The following MAGI1 variants were observed in gnomAD, a reference collection of about 807,000 sequenced individuals.
MAGI1 encodes membrane-associated guanylate kinase, WW and PDZ domain-containing protein 1.
Under a neutral mutation model 139.9 loss-of-function variants are expected in MAGI1, and 58 were observed. That is an observed-to-expected ratio of 0.41 (90% CI 0.34 to 0.52). The LOEUF (loss-of-function observed/expected upper bound fraction) is 0.52, where lower values mean the gene tolerates loss of function less well. MAGI1 is among the 20% of genes least tolerant of loss of function. The pLI is 0.12. For missense variants in MAGI1, 1,874 were observed against 1,901.6 expected (o/e 0.99, Z 0.27); for synonymous variants, 812 against 737.9 (o/e 1.10, Z -1.63).
chr3:65,467,291 C>A (rs1393791260), intron 5 of MAGI1, among the ~76,000 whole-genome samples: 2 of 152,180 alleles, frequency 1.3e-5, no homozygotes, highest in African/African-American at 4.8e-5. Context: ...TATATATTTG[C>A]ATGTGAGTGT....
chr3:65,372,151 C>T (rs949786676), intron 18 of MAGI1, among the ~76,000 whole-genome samples: 1 of 152,144 alleles, frequency 6.6e-6, no homozygotes, highest in Admixed American at 6.5e-5. Context: ...CAGGTATAGC[C>T]TTACAAAATA....
At chr3:65,635,018 C>T (rs1021380037) in intron 1 of MAGI1, among the ~76,000 whole-genome samples, 2 of 151,980 alleles carry the variant, frequency 1.3e-5, no homozygotes, top group Non-Finnish European at 2.9e-5. Context: ...GATGGGAGTA[C>T]ATGTTTTGTT....
intron 2 of MAGI1, among the ~76,000 whole-genome samples, chr3:65,601,302 T>C (rs1325798589): frequency 6.6e-6 from 1 of 152,130 alleles, no homozygotes; most frequent in Non-Finnish European, 1.5e-5. Context: ...TTGGATAAAA[T>C]ATGAACTCAC....
In MAGI1 at chr3:65,621,981, C is replaced by T; in HGVS notation, c.421G>A (p.Ala141Thr). 6.2e-7 allele frequency: 1 copy of T among 1,610,354 alleles called. No individual in the cohort carries two copies. The highest frequency in any genetic ancestry group is 8.5e-7 in the Non-Finnish European group (1 of 1,177,058). Reference protein sequence around the residue: ...QTIRDNLYRHAVPCTTRSPRE... With the variant: ...QTIRDNLYRHTVPCTTRSPRE... ...AAGTCCAACTACTTACAAGGCACAGCATGGCGGTAAAGGTTATCCCTTATG... is the reference window on the plus strand; with the variant it reads ...AAGTCCAACTACTTACAAGGCACAGTATGGCGGTAAAGGTTATCCCTTATG... Residue 141 changes from alanine to threonine, a missense_variant, in exon 2 of 23, where the codon GCT becomes ACT. Physicochemically the swap from Ala to Thr is moderately conservative, Grantham distance 58. Around this residue, in one of 5 missense-constraint regions of MAGI1, gnomAD observed 648 missense variants for 598.1 expected, o/e 1.08. Transcript: ENST00000402939.
At chr3:65,382,129 T>C in intron 15 of MAGI1, 60 bp from the exon 16 acceptor site, 1 of 1,342,260 alleles carries the variant, frequency 7.5e-7, no homozygotes, top group Non-Finnish European at 1.0e-6. Context: ...GTTACATCAA[T>C]AGCCTTCACA....
At chr3:65,436,188 T>C (rs1308257094) in intron 10 of MAGI1, among the ~76,000 whole-genome samples, 4 of 151,898 alleles carry the variant, frequency 2.6e-5, no homozygotes, top group Non-Finnish European at 5.9e-5. Context: ...ATGAAAATTA[T>C]AATGAATTAA....
intron 22 of MAGI1, chr3:65,359,485 A>G: frequency 2.8e-6 from 3 of 1,063,062 alleles, no homozygotes; most frequent in Non-Finnish European, 3.4e-6. Context: ...GAGAGCATTA[A>G]CAATAAACAA....
chr3:66,031,799 C>T (rs1458944436), intron 1 of MAGI1, among the ~76,000 whole-genome samples: 8 of 149,820 alleles, frequency 5.3e-5, no homozygotes, highest in Non-Finnish European at 8.9e-5. Flanking sequence ...AAAAAGTACA[C>T]AGGGACAATG....
At chr3:65,769,455 C>T (rs1304887434) in intron 1 of MAGI1, among the ~76,000 whole-genome samples, 2 of 151,986 alleles carry the variant, frequency 1.3e-5, no homozygotes. Context: ...CACCACTGCA[C>T]TCCAGTCTGG....
At chr3:65,842,133 A>G (rs1178362595) in intron 1 of MAGI1, among the ~76,000 whole-genome samples, 1 of 152,156 alleles carries the variant, frequency 6.6e-6, no homozygotes, top group Non-Finnish European at 1.5e-5. Flanking sequence ...GTCAAAACAG[A>G]TGTCAATGCT....
chr3:65,662,545 A>T (rs1034774568), intron 1 of MAGI1, among the ~76,000 whole-genome samples: 3 of 152,240 alleles, frequency 2.0e-5, no homozygotes, highest in Non-Finnish European at 4.4e-5. Context: ...AGAGGTCAGT[A>T]TGACAGATAT....
At chr3:65,444,307 A>G (rs1449195956) in intron 7 of MAGI1, among the ~76,000 whole-genome samples, 10 of 152,110 alleles carry the variant, frequency 6.6e-5, no homozygotes, top group Non-Finnish European at 1.5e-4. Context: ...CTTTCCCCTT[A>G]CAAAGCTGGA....
At chr3:65,896,909 T>C (rs1469915301) in intron 1 of MAGI1, among the ~76,000 whole-genome samples, 1 of 152,148 alleles carries the variant, frequency 6.6e-6, no homozygotes, top group Non-Finnish European at 1.5e-5. Context: ...ATAATACAAC[T>C]AGAATAATAC....
At chr3:65,799,091 G>A (rs1481080338) in intron 1 of MAGI1, among the ~76,000 whole-genome samples, 1 of 152,148 alleles carries the variant, frequency 6.6e-6, no homozygotes, top group Non-Finnish European at 1.5e-5. Context: ...AGTGAAAAAG[G>A]TGAAAATTCT....
intron 12 of MAGI1, among the ~76,000 whole-genome samples, chr3:65,413,266 C>A (rs1426518909): frequency 2.0e-5 from 3 of 152,204 alleles, no homozygotes; most frequent in Non-Finnish European, 2.9e-5. Flanking sequence ...TATTCCCAAA[C>A]TGCTTAATTG....
At chr3:65,418,513 A>T (rs1430318778) in intron 12 of MAGI1, among the ~76,000 whole-genome samples, 1 of 152,178 alleles carries the variant, frequency 6.6e-6, no homozygotes, top group Admixed American at 6.5e-5. Context: ...TACACAGACT[A>T]ACCCCAAGGC....
At chr3:65,918,087 C>T (rs1274786293) in intron 1 of MAGI1, among the ~76,000 whole-genome samples, 3 of 152,026 alleles carry the variant, frequency 2.0e-5, no homozygotes, top group Admixed American at 6.5e-5. Flanking sequence ...TCTAAAAATG[C>T]TCTAACGAAG....
intron 4 of MAGI1, among the ~76,000 whole-genome samples, chr3:65,476,275 C>A (rs979629805): frequency 6.6e-6 from 1 of 152,180 alleles, no homozygotes; most frequent in South Asian, 2.1e-4. Context: ...GGTCCCATCA[C>A]GTGCATATCT....
chr3:65,822,786 A>C (rs143005608), intron 1 of MAGI1, among the ~76,000 whole-genome samples: 396 of 152,286 alleles, frequency 2.6e-3, no homozygotes, highest in African/African-American at 8.9e-3. Context: ...ACTTTTAAAC[A>C]ATCAGAGCTT....
Sources: gnomAD v4.1 joint callset for allele counts (sites outside exome capture counted in the v4.1 genomes callset) on GRCh38, gnomAD v4.1.1 for gene constraint, gnomAD v4.1.1 regional missense constraint, MANE v1.5 for transcripts, NCBI Gene and HGNC (gene_info 2026-07-23, HGNC 2026-07-21) for gene names.